GARRE1: variants seen among roughly 807,000 people sequenced by gnomAD.
GARRE1 encodes granule associated Rac and RHOG effector protein 1.
A neutral mutation model predicts 103.2 loss-of-function variants in GARRE1; 49 were observed. The ratio of observed to expected loss-of-function variants is 0.47; its 90% CI spans 0.38 to 0.60. The LOEUF (loss-of-function observed/expected upper bound fraction) is 0.60, where lower values mean the gene tolerates loss of function less well. Among genes scored for constraint, GARRE1 ranks in the 20% least tolerant of loss-of-function variants. GARRE1 has a pLI of 0.00. For missense variants in GARRE1, 1,199 were observed against 1,370.5 expected (o/e 0.87, Z 1.98); for synonymous variants, 505 against 532.8 (o/e 0.95, Z 0.72).
intron 10 of GARRE1, among the ~76,000 whole-genome samples, chr19:34,347,030 C>G (rs2074214586): frequency 6.6e-6 from 1 of 150,788 alleles, no homozygotes; most frequent in African/African-American, 2.5e-5. Context: ...CCCAAGTGAT[C>G]CCCCCACCTC....
At chr19:34,349,229 GCC>G in intron 12 of GARRE1, 76 bp downstream of exon 12, 1 of 1,475,314 alleles carries the variant, frequency 6.8e-7, no homozygotes, top group South Asian at 1.2e-5. Context: ...CCCTGGGAAA[GCC>G]AGGAGCCCAG....
intron 8 of GARRE1, among the ~76,000 whole-genome samples, chr19:34,334,706 A>AG (rs958984886): frequency 1.3e-5 from 2 of 151,556 alleles, no homozygotes; most frequent in Non-Finnish European, 2.9e-5. Context: ...CAAAAAAAAA[A>AG]AAAAAGAAAA....
chr19:34,256,363 A>G (rs1468929805), intron 1 of GARRE1, among the ~76,000 whole-genome samples: 3 of 151,690 alleles, frequency 2.0e-5, no homozygotes, highest in Non-Finnish European at 4.4e-5. Flanking sequence ...AAAATACAAA[A>G]AAACACATTA....
At chr19:34,349,236 GC>G in intron 12 of GARRE1, 83 bp downstream of exon 12, 1 of 1,411,432 alleles carries the variant, frequency 7.1e-7, no homozygotes, top group South Asian at 1.2e-5. Context: ...AAAGCCAGGA[GC>G]CCAGTCACCT....
chr19:34,351,613 G>A (rs374424627), intron 13 of GARRE1, 21 bp downstream of exon 13: 416 of 1,585,646 alleles, frequency 2.6e-4, no homozygotes, highest in Non-Finnish European at 3.5e-4. Context: ...AGGCTCTGTG[G>A]GCACAGACTT....
In GARRE1 at chr19:34,350,642, C is replaced by T. The variant is rs377523660; in HGVS notation, c.2826-872C>T. On this transcript the variant is annotated intron_variant, in intron 12 of 13. Transcript: ENST00000299505. ...TGTTGCCCAGGCTGGAGTGCAGTGG[C>T]GCGGTCTTAGCTCACTGCAAGCTCC... Among the ~76,000 whole-genome samples the T allele has an allele frequency of 3.9e-5, 6 of 152,110 alleles. No individual in the cohort carries two copies. In the East Asian group the frequency reaches 7.8e-4, roughly 20 times the overall value.
chr19:34,288,518 T>A (rs1262256724), intron 1 of GARRE1, among the ~76,000 whole-genome samples: 5 of 152,324 alleles, frequency 3.3e-5, no homozygotes, highest in Admixed American at 3.3e-4. Flanking sequence ...AGCTGGGCTG[T>A]GTGGAGAGCT....
rs148107261 is a variant in GARRE1 at position 34,303,515 on chromosome 19, G to A, written c.495+2547G>A. On this transcript the variant is annotated intron_variant, in intron 2 of 13. Transcript: ENST00000299505. ...TTAGAGTTATTTCTTAAGAGACACA[G>A]CATCATTGGTATAAATCAGGGTTTA... is the stretch of plus-strand genomic sequence containing the variant. Among the ~76,000 whole-genome samples, 314 of 152,366 alleles carry A rather than the reference G, an allele frequency of 2.1e-3. 2 individuals are homozygous for A. Among genetic ancestry groups the A allele is most frequent in the African/African-American group, 7.2e-3 (301 of 41,590 alleles).
chr19:34,335,607 C>T (rs1189617239), intron 8 of GARRE1, among the ~76,000 whole-genome samples: 2 of 152,188 alleles, frequency 1.3e-5, no homozygotes, highest in Non-Finnish European at 2.9e-5. Context: ...CTCACTGCAG[C>T]CTCTTCCGCC....
rs375071790 is a variant in GARRE1 at position 34,327,413 on chromosome 19, T to C, written c.706-8T>C. 1 of 1,613,794 alleles carries C rather than the reference T, an allele frequency of 6.2e-7. No individual in the cohort carries two copies. Among genetic ancestry groups the C allele is most frequent in the Non-Finnish European group, 8.5e-7 (1 of 1,179,884 alleles). ...TCTTTTACCTACCAGTTACTATATA[T>C]GTTACAGGCGACATCTAGACTAAGA... On this transcript the variant is annotated splice_region_variant and splice_polypyrimidine_tract_variant and intron_variant, in intron 3 of 13. Transcript: ENST00000299505.
At chr19:34,259,326 CTT>C (rs2073699326) in intron 1 of GARRE1, among the ~76,000 whole-genome samples, 1 of 152,148 alleles carries the variant, frequency 6.6e-6, no homozygotes, top group South Asian at 2.1e-4. Flanking sequence ...TCGATTTAGA[CTT>C]TGTACCTTTT....
intron 1 of GARRE1, among the ~76,000 whole-genome samples, chr19:34,259,773 TGTA>T (rs1404285689): frequency 6.6e-6 from 1 of 152,198 alleles, no homozygotes; most frequent in African/African-American, 2.4e-5. Context: ...CATCTTGAAT[TGTA>T]GTTCCCATAA....
intron 1 of GARRE1, chr19:34,296,475 C>A: frequency 2.5e-6 from 4 of 1,594,390 alleles, no homozygotes; most frequent in Non-Finnish European, 3.4e-6. Context: ...GAGCTTGTGG[C>A]TGACACCCTT....
At chr19:34,262,213 T>C (rs1418780537) in intron 1 of GARRE1, among the ~76,000 whole-genome samples, 1 of 149,038 alleles carries the variant, frequency 6.7e-6, no homozygotes, top group African/African-American at 2.5e-5. Flanking sequence ...TTGAACTCCT[T>C]ACCTTGTGAT....
intron 1 of GARRE1, among the ~76,000 whole-genome samples, chr19:34,273,092 C>T (rs1477069752): frequency 6.6e-6 from 1 of 152,046 alleles, no homozygotes; most frequent in Non-Finnish European, 1.5e-5. Context: ...CTCCCAGCTA[C>T]TTGGGAGGCT....
At chr19:34,271,245 CTTTTTTT>C (rs1199086211) in intron 1 of GARRE1, among the ~76,000 whole-genome samples, 3 of 105,690 alleles carry the variant, frequency 2.8e-5, no homozygotes, top group Non-Finnish European at 6.0e-5. Context: ...TGTGCACTTT[CTTTTTTT>C]TTTTTTTTTT....
At chr19:34,326,009 A>G (rs1034033660) in intron 3 of GARRE1, among the ~76,000 whole-genome samples, 1 of 152,056 alleles carries the variant, frequency 6.6e-6, no homozygotes, top group Non-Finnish European at 1.5e-5. Context: ...TTTTTTCTCC[A>G]TTTATAATTC....
At chr19:34,351,216 AAATAAT>A (rs926606505) in intron 12 of GARRE1, among the ~76,000 whole-genome samples, 32 of 149,224 alleles carry the variant, frequency 2.1e-4, no homozygotes, top group Admixed American at 1.3e-3. Context: ...AAAAAAAATA[AAATAAT>A]AATAATAATA....
intron 1 of GARRE1, among the ~76,000 whole-genome samples, chr19:34,270,133 A>G (rs1425252460): frequency 6.6e-6 from 1 of 151,996 alleles, no homozygotes; most frequent in Non-Finnish European, 1.5e-5. Flanking sequence ...CCCACTTCCT[A>G]TTTTTACCGC....
Sources: allele counts gnomAD v4.1 joint callset (sites outside exome capture counted in the v4.1 genomes callset), GRCh38; gene constraint gnomAD v4.1.1; transcripts MANE v1.5; gene names NCBI Gene and HGNC (gene_info 2026-07-23, HGNC 2026-07-21).